The following CLASP1 variants were observed in gnomAD, a reference collection of about 807,000 sequenced individuals.
CLASP1 encodes the protein CLIP-associating protein 1.
A neutral mutation model predicts 192.3 loss-of-function variants in CLASP1; 38 were observed. That is an observed-to-expected ratio of 0.20 (90% CI 0.15 to 0.26). CLASP1 has a LOEUF of 0.26. Among genes scored for constraint, CLASP1 ranks in the 10% least tolerant of loss-of-function variants. The pLI, the probability that CLASP1 is intolerant of heterozygous loss-of-function variation, is 1.00. For missense variants in CLASP1, 1,433 were observed against 1,932.5 expected (o/e 0.74, Z 4.85); for synonymous variants, 691 against 712.8 (o/e 0.97, Z 0.49).
chr2:121,416,949 A>T (rs1329314236), intron 23 of CLASP1, among the ~76,000 whole-genome samples: 2 of 152,222 alleles, frequency 1.3e-5, no homozygotes, highest in Admixed American at 1.3e-4. Context: ...CTTGCTGGAC[A>T]TAAGTTTTAG....
intron 39 of CLASP1, among the ~76,000 whole-genome samples, chr2:121,344,422 C>T (rs1234704861): frequency 6.6e-6 from 1 of 152,018 alleles, no homozygotes; most frequent in East Asian, 1.9e-4. Flanking sequence ...ACCTCCACCT[C>T]CCAGGTTCAA....
rs2081605343 is a variant in CLASP1 at position 121,432,502 on chromosome 2, A to T, written c.1913-2325T>A. 2.0e-5 allele frequency among the ~76,000 whole-genome samples: 3 copies of T among 152,224 alleles called. No individual in the cohort carries two copies. The South Asian group carries it at 6.2e-4, about 32-fold the overall frequency. On this transcript the variant is annotated intron_variant, in intron 19 of 39. Coordinates refer to ENST00000263710, the Ensembl canonical transcript of CLASP1. ...TTTCCTAAGCCCTTTGCTGTCTTCC[A>T]TATGTATGTGCAGACACAATAACAA...
chr2:121,427,117 G>T (rs552972186), intron 21 of CLASP1, among the ~76,000 whole-genome samples: 1 of 152,006 alleles, frequency 6.6e-6, no homozygotes, highest in Admixed American at 6.5e-5. Flanking sequence ...AGTTTATAAT[G>T]ATTTAACTAA....
intron 1 of CLASP1, among the ~76,000 whole-genome samples, chr2:121,620,765 A>C (rs1188743652): frequency 1.3e-5 from 2 of 152,136 alleles, no homozygotes; most frequent in Non-Finnish European, 2.9e-5. Flanking sequence ...TGATTTTAAG[A>C]ATTTCTAAAA....
intron 37 of CLASP1, among the ~76,000 whole-genome samples, chr2:121,350,541 T>C (rs1270605289): frequency 6.6e-6 from 1 of 152,160 alleles, no homozygotes; most frequent in Non-Finnish European, 1.5e-5. Flanking sequence ...GACGCTCGGC[T>C]TCACCTTCAG....
At chr2:121,486,057 G>A (rs1385334600) in intron 8 of CLASP1, among the ~76,000 whole-genome samples, 1 of 152,166 alleles carries the variant, frequency 6.6e-6, no homozygotes, top group Non-Finnish European at 1.5e-5. Context: ...AGAATAATGT[G>A]TGCAAGCTCC....
intron 32 of CLASP1, among the ~76,000 whole-genome samples, chr2:121,383,681 C>T (rs770185289): frequency 2.0e-5 from 3 of 151,950 alleles, no homozygotes; most frequent in Non-Finnish European, 2.9e-5. Flanking sequence ...AGAGCAAGGA[C>T]CACCATATAC....
chr2:121,525,966 G>A, intron 5 of CLASP1, 46 bp from the exon 6 acceptor site: 1 of 1,437,840 alleles, frequency 7.0e-7, no homozygotes, highest in African/African-American at 1.4e-5. Flanking sequence ...ACTGAGGAAA[G>A]AAAGAAAGAT....
At chr2:121,608,109 C>T (rs2064693908) in intron 1 of CLASP1, among the ~76,000 whole-genome samples, 1 of 152,172 alleles carries the variant, frequency 6.6e-6, no homozygotes, top group Non-Finnish European at 1.5e-5. Flanking sequence ...CAACAAAGAG[C>T]TTCAAAAGCA....
intron 7 of CLASP1, among the ~76,000 whole-genome samples, chr2:121,511,360 G>A (rs537207271): frequency 2.6e-5 from 4 of 152,172 alleles, no homozygotes; most frequent in African/African-American, 4.8e-5. Context: ...AGGCCGAGGC[G>A]GGTGGATCAC....
intron 1 of CLASP1, among the ~76,000 whole-genome samples, chr2:121,633,836 C>G (rs2070277466): frequency 6.6e-6 from 1 of 151,978 alleles, no homozygotes; most frequent in African/African-American, 2.4e-5. Flanking sequence ...GAAACCCCGT[C>G]TCTACTAAAA....
At chr2:121,539,988 T>A (rs963134041) in intron 2 of CLASP1, among the ~76,000 whole-genome samples, 3 of 152,072 alleles carry the variant, frequency 2.0e-5, no homozygotes, top group African/African-American at 7.2e-5. Flanking sequence ...CCACAGAAAC[T>A]CTCCTACATG....
intron 8 of CLASP1, among the ~76,000 whole-genome samples, chr2:121,495,669 C>T (rs113344356): frequency 1.3e-5 from 2 of 151,872 alleles, no homozygotes; most frequent in Admixed American, 6.6e-5. Context: ...CTCAAAAAAA[C>T]GAATAAAAAA....
intron 4 of CLASP1, among the ~76,000 whole-genome samples, chr2:121,528,316 G>A (rs1461961426): frequency 6.6e-6 from 1 of 152,116 alleles, no homozygotes; most frequent in Non-Finnish European, 1.5e-5. Context: ...CCAATTCACC[G>A]GAAGACAGGG....
intron 33 of CLASP1, among the ~76,000 whole-genome samples, chr2:121,379,386 CT>C (rs1386354083): frequency 3.3e-5 from 5 of 152,152 alleles, no homozygotes; most frequent in African/African-American, 1.2e-4. Flanking sequence ...ACAAGGCTGT[CT>C]GTCAAAGAGG....
intron 25 of CLASP1, among the ~76,000 whole-genome samples, chr2:121,406,709 C>T (rs1046589376): frequency 2.4e-4 from 36 of 152,168 alleles, no homozygotes; most frequent in African/African-American, 8.2e-4. Context: ...CCTGCCTCAG[C>T]CTCCGAAGTA....
At chr2:121,560,821 G>A (rs958624620) in intron 2 of CLASP1, among the ~76,000 whole-genome samples, 2 of 152,214 alleles carry the variant, frequency 1.3e-5, no homozygotes, top group Non-Finnish European at 2.9e-5. Flanking sequence ...CACAACCTCT[G>A]CCTCCCAGGT....
intron 34 of CLASP1, among the ~76,000 whole-genome samples, chr2:121,369,518 G>C (rs770843969): frequency 6.6e-6 from 1 of 151,794 alleles, no homozygotes; most frequent in African/African-American, 2.4e-5. Flanking sequence ...AAAAGAGAAG[G>C]GTTTTAAAAA....
chr2:121,592,541 A>G (rs2062533157), intron 2 of CLASP1, among the ~76,000 whole-genome samples: 1 of 152,244 alleles, frequency 6.6e-6, no homozygotes, highest in African/African-American at 2.4e-5. Flanking sequence ...TATGAAGCCA[A>G]CATAGGATAT....
Sources: allele counts gnomAD v4.1 joint callset (sites outside exome capture counted in the v4.1 genomes callset), GRCh38; gene constraint gnomAD v4.1.1; transcripts MANE v1.5; gene names NCBI Gene and HGNC (gene_info 2026-07-23, HGNC 2026-07-21).